ZNF836: variants seen among roughly 807,000 people sequenced by gnomAD.
ZNF836 encodes the protein zinc finger protein 836.
In ZNF836, 12 loss-of-function variants were observed where a neutral mutation model predicts 7.4. The observed-to-expected ratio is 1.61, with a 90% CI of 1.03 to 2.61. ZNF836 has a LOEUF of 2.61. Ranked by LOEUF, ZNF836 falls within the 30% of genes most tolerant of loss-of-function variation. The pLI is 0.00. For synonymous variants in ZNF836, 365 were observed against 382.6 expected (o/e 0.95, Z 0.54); for missense variants, 998 against 1,126.2 (o/e 0.89, Z 1.63).
At chr19:52,159,662 A>G (rs1036142100) in intron 4 of ZNF836, among the ~76,000 whole-genome samples, 9 of 152,150 alleles carry the variant, frequency 5.9e-5, no homozygotes, top group African/African-American at 2.2e-4. Flanking sequence ...TGTAACATGG[A>G]AGGTGAGGGA....
chr19:52,154,348 C>G lies in ZNF836; in HGVS notation c.*524G>C, dbSNP rs1016670727. On this transcript the variant is annotated 3_prime_UTR_variant, in exon 5 of 5. Transcript: ENST00000682614. ...TACAGGCATGACCCACCATGCCTAA[C>G]GTGCCATACACTTTTAACCAACAAG... 6.6e-6 allele frequency among the ~76,000 whole-genome samples: 1 copy of G among 152,080 alleles called. No individual in the cohort carries two copies. The highest frequency in any genetic ancestry group is 1.9e-4 in the East Asian group (1 of 5,174).
intron 3 of ZNF836, among the ~76,000 whole-genome samples, chr19:52,162,819 G>A (rs775577992): frequency 6.6e-6 from 1 of 152,162 alleles, no homozygotes; most frequent in Non-Finnish European, 1.5e-5. Context: ...ACCTTCTGGC[G>A]GCAGGCGCAG....
intron 3 of ZNF836, among the ~76,000 whole-genome samples, chr19:52,162,949 T>A (rs751169601): frequency 4.2e-4 from 64 of 152,312 alleles, no homozygotes; most frequent in Non-Finnish European, 7.8e-4. Flanking sequence ...CAACAGTGTG[T>A]GCCCTCTGGA....
intron 1 of ZNF836, chr19:52,170,506 G>A (rs1034264464): frequency 8.5e-5 from 13 of 152,316 alleles, no homozygotes; most frequent in African/African-American, 3.1e-4. Flanking sequence ...TGTCGGCTGC[G>A]GCTCCAACTC....
At position 52,171,481 on chromosome 19, in the gene ZNF836, C is replaced by T. The variant is rs1282670474; in HGVS notation, c.-360G>A. On this transcript the variant is annotated 5_prime_UTR_variant, in exon 1 of 5. Coordinates refer to ENST00000682614, the MANE Select transcript of ZNF836 (RefSeq NM_001102657.3). ...TTTAGTCCAGGTAGACGGAAACTGA[C>T]GCGCAGCGCTGTGATCTTTTCCCCG... The T allele has an allele frequency of 6.6e-6, 1 of 152,246 alleles. No homozygotes were observed. Among genetic ancestry groups the T allele is most frequent in the Non-Finnish European group, 1.5e-5 (1 of 68,068 alleles). The allele number at this position is 152,246 out of a possible 1,614,324, so 9.4% of individuals were successfully genotyped here. A position where few individuals can be genotyped will look rare whatever the true frequency, so the allele number is the denominator to read the frequency against.
At chr19:52,160,303 G>T in intron 4 of ZNF836, 162 bp downstream of exon 4, 1 of 775,790 alleles carries the variant, frequency 1.3e-6, no homozygotes, top group Non-Finnish European at 2.1e-6. Context: ...GTGATGATAT[G>T]GGAAATGAAA....
In ZNF836 at chr19:52,155,476, C is replaced by T. The variant is rs570820732; in HGVS notation, c.2207G>A (p.Gly736Asp). The stretch of plus-strand genomic sequence containing the variant: ...ATGCCTTCTCTGATGGTACGTCAGG[C>T]CTGTTATATGACTAAAAGTTCTACC... The part of the protein sequence containing the change: ...HCGRTFSHIT[G>D]LTYHQRRHTG... Residue 736 changes from glycine (G) to aspartate (D), a missense_variant, in exon 5 of 5, where the codon GGC (glycine) becomes GAC (aspartate). Coordinates refer to ENST00000682614, the MANE Select transcript of ZNF836 (RefSeq NM_001102657.3). The T allele has an allele frequency of 1.2e-6, 2 of 1,613,888 alleles. No individual in the cohort carries two copies. The highest frequency in any genetic ancestry group is 1.7e-6 in the Non-Finnish European group (2 of 1,179,888).
chr19:52,168,554 C>A (rs2089284828), intron 2 of ZNF836, among the ~76,000 whole-genome samples: 1 of 151,934 alleles, frequency 6.6e-6, no homozygotes, highest in Admixed American at 6.6e-5. Flanking sequence ...TGCCACTGTG[C>A]TCCAGCCTGG....
At chr19:52,164,499 G>A (rs113836154) in intron 3 of ZNF836, among the ~76,000 whole-genome samples, 116 of 148,278 alleles carry the variant, frequency 7.8e-4, no homozygotes, top group African/African-American at 2.7e-3. Flanking sequence ...AAGAAAAAGA[G>A]AGAAAGAAAG....
chr19:52,170,987 C>T (rs1600146247), intron 1 of ZNF836, among the ~76,000 whole-genome samples: 1 of 152,190 alleles, frequency 6.6e-6, no homozygotes, highest in Non-Finnish European at 1.5e-5. Flanking sequence ...AGCGAAAGGA[C>T]CCGGCGTGAG....
chr19:52,171,214 G>T (rs1223690793), intron 1 of ZNF836, 122 bp downstream of exon 1: 1 of 152,378 alleles, frequency 6.6e-6, no homozygotes, highest in Admixed American at 6.5e-5. Context: ...GTCAGTAAGG[G>T]TTTTAAGCAG....
chr19:52,157,722 C>A (rs904693240), intron 4 of ZNF836, among the ~76,000 whole-genome samples, 182 bp from the exon 5 acceptor site: 1 of 151,862 alleles, frequency 6.6e-6, no homozygotes, highest in Non-Finnish European at 1.5e-5. Context: ...AGGCACACAT[C>A]ACCACACCTG....
In ZNF836 at chr19:52,157,294, T is replaced by A; in HGVS notation, c.389A>T (p.Glu130Val). Residue 130 changes from glutamate (E) to valine (V), a missense_variant, in exon 5 of 5, where the codon GAG becomes GTG. Coordinates refer to ENST00000682614, the MANE Select transcript of ZNF836 (RefSeq NM_001102657.3). ...TTCAATACATTTGTTTTCTACATCC[T>A]CTTGACTATGTTGACCTCTTTTACC... is the stretch of plus-strand genomic sequence containing the variant. The part of the protein sequence containing the change: ...LNGKRGQHSQ[E>V]DVENKCIENQ... The A allele has an allele frequency of 6.2e-7, 1 of 1,606,196 alleles. No homozygotes were observed. Among genetic ancestry groups the A allele is most frequent in the Non-Finnish European group, 8.5e-7 (1 of 1,175,232 alleles).
chr19:52,169,212 T>C (rs1237352434), intron 2 of ZNF836, among the ~76,000 whole-genome samples: 7 of 152,238 alleles, frequency 4.6e-5, no homozygotes, highest in African/African-American at 7.2e-5. Flanking sequence ...TAATTATTTA[T>C]AGAAAGGCAG....
chr19:52,169,615 A>C (rs1477743720), intron 2 of ZNF836, 33 bp downstream of exon 2: 2 of 152,042 alleles, frequency 1.3e-5, no homozygotes, highest in African/African-American at 4.8e-5. Context: ...ACCAAAAAAA[A>C]ATAAGACTCT....
In ZNF836 at chr19:52,154,198, G is replaced by GTGCC. The variant is rs2089129780; in HGVS notation, c.*673_*674insGGCA. ...CCTGAGTAGCTGGGATTACAGGCAT[G>GTGCC]CATCACCATGCCTGGCTAATGTTTA... On this transcript the variant is annotated 3_prime_UTR_variant, in exon 5 of 5. Transcript: ENST00000682614. The GTGCC allele has an allele frequency of 6.6e-6, 1 of 151,968 alleles. No homozygotes were observed. The highest frequency in any genetic ancestry group is 1.5e-5 in the Non-Finnish European group (1 of 68,066). 9.4% of individuals were successfully genotyped at this position (151,968 alleles called of 1,614,324 possible). A position where few individuals can be genotyped will look rare whatever the true frequency, so the allele number is the denominator to read the frequency against.
chr19:52,161,917 T>C lies in ZNF836; in HGVS notation c.16-1326A>G, dbSNP rs2089215982. Among the ~76,000 whole-genome samples the C allele has an allele frequency of 1.3e-5, 2 of 152,094 alleles. No homozygotes were observed. Among genetic ancestry groups the C allele is most frequent in the Non-Finnish European group, 2.9e-5 (2 of 68,016 alleles). On this transcript the variant is annotated intron_variant, in intron 3 of 4. Transcript: ENST00000682614. The surrounding 1 kb of genome is among the most constrained non-coding windows in gnomAD (Gnocchi z 4.1). The stretch of plus-strand genomic sequence containing the variant: ...CGAGTTATGTGCTTCCAAAATACAA[T>C]GGTGGGGCAGACACAGGTTAAATAT...
At position 52,155,352 on chromosome 19, in the gene ZNF836, A is replaced by G; in HGVS notation, c.2331T>C (p.Pro777=). 6.2e-7 allele frequency: 1 copy of G among 1,613,880 alleles called. No homozygotes were observed. Among genetic ancestry groups the G allele is most frequent in the Non-Finnish European group, 8.5e-7 (1 of 1,179,966 alleles). Residue 777 remains proline (P), a synonymous_variant, in exon 5 of 5, where the codon CCT becomes CCC. Transcript: ENST00000682614. ...RHRRIHTGEK[P]YKCNECGKVF... ...CCTTGCCACATTCATTACATTTGTAAGGTTTCTCTCCAGTGTGAATTCTCC... is the reference window on the plus strand; with the variant it reads ...CCTTGCCACATTCATTACATTTGTAGGGTTTCTCTCCAGTGTGAATTCTCC...
Position 52,168,097 on chromosome 19 carries a change from C to T in ZNF836, c.-25G>A. On this transcript the variant is annotated 5_prime_UTR_variant, in exon 3 of 5. Coordinates refer to ENST00000682614, the MANE Select transcript of ZNF836 (RefSeq NM_001102657.3). ...TCCCTGACTCCTTTTCTTTCCTCTT[C>T]TTCCTCTTCTGGGCTTCTCTCTCAG... 2.5e-6 allele frequency: 4 copies of T among 1,611,748 alleles called. No individual in the cohort carries two copies. The highest frequency in any genetic ancestry group is 3.4e-6 in the Non-Finnish European group (4 of 1,178,920).
Sources: gnomAD v4.1 joint callset for allele counts (sites outside exome capture counted in the v4.1 genomes callset) on GRCh38, gnomAD v4.1.1 for gene constraint, Gnocchi (gnomAD v3.1) non-coding constraint, MANE v1.5 for transcripts, NCBI Gene and HGNC (gene_info 2026-07-23, HGNC 2026-07-21) for gene names.